BICRA: variants seen among roughly 807,000 people sequenced by gnomAD.
BICRA encodes BRD4 interacting chromatin remodeling complex associated protein.
A neutral mutation model predicts 96.9 loss-of-function variants in BICRA; 31 were observed. The observed-to-expected ratio is 0.32, with a 90% CI of 0.24 to 0.43. The LOEUF (loss-of-function observed/expected upper bound fraction) is 0.43, where lower values mean the gene tolerates loss of function less well. Ranked by LOEUF, BICRA falls within the 20% of genes least tolerant of loss-of-function variation. BICRA has a pLI of 1.00. For missense variants in BICRA, 2,283 were observed against 2,190.3 expected (o/e 1.04, Z -0.84); for synonymous variants, 1,350 against 1,071.8 (o/e 1.26, Z -5.07).
intron 1 of BICRA, among the ~76,000 whole-genome samples, chr19:47,609,738 G>A (rs1225205332): frequency 6.6e-6 from 1 of 152,010 alleles, no homozygotes; most frequent in Non-Finnish European, 1.5e-5. Flanking sequence ...GCCTCGCTCG[G>A]CCCCTGCGCC....
At position 47,616,647 on chromosome 19, in the gene BICRA, A is replaced by G. The variant is rs148148465; in HGVS notation, c.-108+7479A>G. 4.9e-3 allele frequency among the ~76,000 whole-genome samples: 748 copies of G among 151,836 alleles called. 16 individuals are homozygous for G. The highest frequency in any genetic ancestry group is 6.3e-3 in the Non-Finnish European group (430 of 67,932). On this transcript the variant is annotated intron_variant, in intron 1 of 14. Transcript: ENST00000594866. ...GAGCAAGACTCTGTCTCAAAAAAAAAAAAAGGAAGACAATGCCCAAATACC... is the reference window on the plus strand; with the variant it reads ...GAGCAAGACTCTGTCTCAAAAAAAAGAAAAGGAAGACAATGCCCAAATACC...
At chr19:47,681,387 G>C in intron 6 of BICRA, 111 bp downstream of exon 6, 5 of 781,144 alleles carry the variant, frequency 6.4e-6, no homozygotes, top group Non-Finnish European at 9.2e-6. Context: ...GTGGCAGCTG[G>C]GGGGGGAAGG....
At chr19:47,626,529 T>C (rs1469747645) in intron 1 of BICRA, 1 of 151,306 alleles carries the variant, frequency 6.6e-6, no homozygotes, top group Admixed American at 6.6e-5. Flanking sequence ...CCCAAGTAGC[T>C]GGGACTACAG....
intron 1 of BICRA, among the ~76,000 whole-genome samples, chr19:47,660,096 G>C (rs115512091): frequency 0.015 from 2,321 of 152,190 alleles, 61 homozygotes; most frequent in African/African-American, 0.053. Context: ...AACTATTCTC[G>C]TATAGTTCCA....
intron 7 of BICRA, among the ~76,000 whole-genome samples, chr19:47,690,768 T>C (rs1416178812): frequency 6.7e-6 from 1 of 150,214 alleles, no homozygotes; most frequent in Non-Finnish European, 1.5e-5. Context: ...AGTAAGTCAT[T>C]TGGCATGTGA....
intron 1 of BICRA, among the ~76,000 whole-genome samples, chr19:47,630,468 G>A (rs1012413914): frequency 5.9e-5 from 9 of 151,880 alleles, no homozygotes; most frequent in African/African-American, 1.2e-4. Context: ...CACTGCGCCC[G>A]GCCTATATTG....
upstream of BICRA, chr19:47,608,454 G>C (rs963481854): frequency 1.3e-5 from 2 of 152,198 alleles, no homozygotes; most frequent in Non-Finnish European, 2.9e-5. Context: ...TTTCGGACCT[G>C]CGGCGCTCCC....
intron 1 of BICRA, among the ~76,000 whole-genome samples, chr19:47,624,729 C>T (rs1972115260): frequency 6.6e-6 from 1 of 151,458 alleles, no homozygotes; most frequent in Admixed American, 6.6e-5. Context: ...GGGTCTCATT[C>T]TGTCGCCCAG....
intron 1 of BICRA, among the ~76,000 whole-genome samples, chr19:47,623,498 C>T (rs569936459): frequency 4.9e-4 from 75 of 152,322 alleles, no homozygotes; most frequent in African/African-American, 1.8e-3. Context: ...CTGGGATTTT[C>T]GTCCTCCTGG....
At chr19:47,622,344 G>A (rs941411625) in intron 1 of BICRA, among the ~76,000 whole-genome samples, 2 of 151,680 alleles carry the variant, frequency 1.3e-5, no homozygotes, top group African/African-American at 2.4e-5. Flanking sequence ...TGATCCTCTC[G>A]CCTTGGCCTC....
intron 1 of BICRA, among the ~76,000 whole-genome samples, chr19:47,612,925 A>T (rs1286435390): frequency 2.6e-5 from 4 of 151,892 alleles, no homozygotes; most frequent in Admixed American, 2.0e-4. Flanking sequence ...CCTTGGCGAG[A>T]TGACAGGCAT....
In BICRA at chr19:47,681,291, G is replaced by T. The variant is rs1455517659; in HGVS notation, c.2106+15G>T. The T allele has an allele frequency of 3.2e-6, 5 of 1,541,134 alleles. No individual in the cohort carries two copies. Among genetic ancestry groups the T allele is most frequent in the Non-Finnish European group, 4.4e-6 (5 of 1,148,526 alleles). ...TCCTGCCCCAGGTAAGCAGGGCGGG[G>T]CAAGGGAGCAGGTACCGGAGGAGGC... On this transcript the variant is annotated intron_variant, in intron 6 of 14. Coordinates refer to ENST00000594866, the MANE Select transcript of BICRA (RefSeq NM_001394372.1).
rs539155634 is a variant in BICRA at position 47,640,786 on chromosome 19, C to A, written c.-107-29657C>A. 5.3e-5 allele frequency among the ~76,000 whole-genome samples: 8 copies of A among 152,110 alleles called. No individual in the cohort carries two copies. The South Asian group carries it at 1.7e-3, about 32-fold the overall frequency. On this transcript the variant is annotated intron_variant, in intron 1 of 14. Transcript: ENST00000594866. ...CTGTCAGGGTTCCTAGCTGCAAGAA[C>A]AGCAGGTGCAAAGGTCCTGAGGCAG... is the stretch of plus-strand genomic sequence containing the variant.
chr19:47,626,814 C>A (rs553718496), intron 1 of BICRA, among the ~76,000 whole-genome samples: 3 of 150,970 alleles, frequency 2.0e-5, no homozygotes, highest in Non-Finnish European at 4.4e-5. Flanking sequence ...CTCCACCTCC[C>A]GGGTTCAAGC....
At chr19:47,614,714 C>T (rs752708871) in intron 1 of BICRA, among the ~76,000 whole-genome samples, 2 of 152,214 alleles carry the variant, frequency 1.3e-5, no homozygotes, top group African/African-American at 2.4e-5. Flanking sequence ...CTTCATCTCC[C>T]TGGGAGACCC....
intron 2 of BICRA, among the ~76,000 whole-genome samples, chr19:47,671,822 GAA>G (rs1323705543): frequency 6.9e-6 from 1 of 144,400 alleles, no homozygotes; most frequent in African/African-American, 2.6e-5. Context: ...ATGGAGGGAT[GAA>G]TAGGTGGATG....
chr19:47,702,649 AG>A lies in BICRA; in HGVS notation c.*238del, dbSNP rs1157005404. Reference sequence around the variant, plus strand: ...TGTAAAACGTCTCCCCTGCCAAAGGAGGGGCAAAGTGCTGTGTCAGTTCCTG... The same window carrying A: ...TGTAAAACGTCTCCCCTGCCAAAGGAGGGCAAAGTGCTGTGTCAGTTCCTG... On this transcript the variant is annotated 3_prime_UTR_variant, in exon 15 of 15. Transcript: ENST00000594866. 3 of 524,768 alleles carry A rather than the reference AG, an allele frequency of 5.7e-6. No individual in the cohort carries two copies. Among genetic ancestry groups the A allele is most frequent in the Non-Finnish European group, 9.8e-6 (3 of 304,756 alleles). The allele number at this position is 524,768 out of a possible 1,614,324, so 32.5% of individuals were successfully genotyped here. A position where few individuals can be genotyped will look rare whatever the true frequency, so the allele number is the denominator to read the frequency against.
intron 1 of BICRA, among the ~76,000 whole-genome samples, chr19:47,623,024 G>A (rs1288062890): frequency 6.6e-6 from 1 of 150,432 alleles, no homozygotes; most frequent in African/African-American, 2.4e-5. Context: ...GTGACAGAAC[G>A]AGAGGCCATC....
rs377444276 is a variant in BICRA at position 47,695,416 on chromosome 19, C to T, written c.3128C>T (p.Pro1043Leu). 4.3e-5 allele frequency: 69 copies of T among 1,600,248 alleles called. No homozygotes were observed. Among genetic ancestry groups the T allele is most frequent in the Middle Eastern group, 1.7e-4 (1 of 5,996 alleles). Residue 1043 changes from proline to leucine, a missense_variant, in exon 10 of 15, where the codon CCG becomes CTG. Pro to Leu is a moderately conservative substitution (Grantham distance 98). Coordinates refer to ENST00000594866, the MANE Select transcript of BICRA (RefSeq NM_001394372.1). The stretch of plus-strand genomic sequence containing the variant: ...AACAAGGCTTTTGCCAGCAACCTCC[C>T]GACCCTGAATGTGGCCAAGGCCGCT... ...AENKAFASNL[P>L]TLNVAKAASS...
Sources: allele counts gnomAD v4.1 joint callset (sites outside exome capture counted in the v4.1 genomes callset), GRCh38; gene constraint gnomAD v4.1.1; transcripts MANE v1.5; gene names NCBI Gene and HGNC (gene_info 2026-07-23, HGNC 2026-07-21).